The following BIRC6 variants were observed in gnomAD, a reference collection of about 807,000 sequenced individuals.
BIRC6 encodes the protein dual E2 ubiquitin-conjugating enzyme/E3 ubiquitin-protein ligase BIRC6.
A neutral mutation model predicts 503.3 loss-of-function variants in BIRC6; 98 were observed. That is an observed-to-expected ratio of 0.19 (90% CI 0.17 to 0.23). The LOEUF (loss-of-function observed/expected upper bound fraction) is 0.23, where lower values mean the gene tolerates loss of function less well. Ranked by LOEUF, BIRC6 falls within the 10% of genes least tolerant of loss-of-function variation. The probability of loss-of-function intolerance (pLI) is 1.00; values close to 1 mark genes in which losing one functional copy is unlikely to be tolerated. For synonymous variants in BIRC6, 2,240 were observed against 2,078.7 expected, an observed-to-expected ratio of 1.08 and a Z score of -2.11; for missense variants, 5,360 against 5,806.0, an observed-to-expected ratio of 0.92 and a Z score of 2.50.
chr2:32,412,156 G>A (rs1474207999), intron 9 of BIRC6, among the ~76,000 whole-genome samples: 1 of 152,116 alleles, frequency 6.6e-6, no homozygotes, highest in South Asian at 2.1e-4. Flanking sequence ...TAGAAACTGA[G>A]TTCTGAGACT....
rs556590203 is a variant in BIRC6, at chr2:32,562,522, C to T, written c.13145-12634C>T. Among the ~76,000 whole-genome samples, 5 of 152,276 alleles carry T rather than the reference C, an allele frequency of 3.3e-5. No individual in the cohort carries two copies. The East Asian group carries it at 9.7e-4, about 29-fold the overall frequency. ...ACAGTTGTGTGGGTTTTGACAAATG[C>T]GCAATTTTATGTATTCCACCATGAC... On this transcript the variant is annotated intron_variant, in intron 65 of 73. Coordinates refer to ENST00000421745, the MANE Select transcript of BIRC6 (RefSeq NM_016252.4).
chr2:32,424,239 G>A (rs1189433093), intron 10 of BIRC6, among the ~76,000 whole-genome samples: 1 of 151,468 alleles, frequency 6.6e-6, no homozygotes, highest in African/African-American at 2.4e-5. Context: ...ATGTGTGTGT[G>A]TATATATATG....
intron 33 of BIRC6, 98 bp from the exon 34 acceptor site, chr2:32,476,115 G>T: frequency 1.2e-6 from 1 of 842,000 alleles, no homozygotes; most frequent in Non-Finnish European, 1.8e-6. Flanking sequence ...AAGATAATGT[G>T]CATTCCATTA....
At chr2:32,387,205 C>G (rs1190669764) in intron 3 of BIRC6, among the ~76,000 whole-genome samples, 1 of 151,760 alleles carries the variant, frequency 6.6e-6, no homozygotes, top group Non-Finnish European at 1.5e-5. Flanking sequence ...GTTGGGGTAT[C>G]ATAGGATCCT....
chr2:32,474,306 A>G (rs1338641244), intron 33 of BIRC6, among the ~76,000 whole-genome samples: 2 of 152,122 alleles, frequency 1.3e-5, no homozygotes, highest in African/African-American at 2.4e-5. Flanking sequence ...ATTTTCCTCA[A>G]TTACCTTTTC....
intron 66 of BIRC6, among the ~76,000 whole-genome samples, chr2:32,582,592 G>A (rs942584301): frequency 5.3e-5 from 8 of 152,038 alleles, no homozygotes; most frequent in Non-Finnish European, 1.2e-4. Flanking sequence ...GGCGAAACCC[G>A]TCTCTGTTAA....
At chr2:32,380,058 C>A in intron 2 of BIRC6, 95 bp from the exon 3 acceptor site, 1 of 835,326 alleles carries the variant, frequency 1.2e-6, no homozygotes, top group Non-Finnish European at 1.8e-6. Context: ...ATAATCATTG[C>A]ATATTAAAAT....
rs1211506828 is a variant in BIRC6 at position 32,499,886 on chromosome 2, C to A, written c.8808C>A (p.Gly2936=). ...VNILVQLPLS[G]NREYSARVSV... ...TTTTAGTGCAGCTGCCTCTTTCAGGCAATAGGGAATACAGTGCAAGAGTGT... is the reference window on the plus strand; with the variant it reads ...TTTTAGTGCAGCTGCCTCTTTCAGGAAATAGGGAATACAGTGCAAGAGTGT... Residue 2936 remains glycine (G), a synonymous_variant, in exon 46 of 74, where the codon GGC becomes GGA. Transcript: ENST00000421745. 6.2e-6 allele frequency: 10 copies of A among 1,613,794 alleles called. No individual in the cohort carries two copies. Among genetic ancestry groups the A allele is most frequent in the Admixed American group, 1.7e-5 (1 of 59,996 alleles).
chr2:32,582,861 A>T (rs1046444717), intron 66 of BIRC6, among the ~76,000 whole-genome samples: 4 of 152,198 alleles, frequency 2.6e-5, no homozygotes, highest in African/African-American at 9.6e-5. Flanking sequence ...TTCTCTTATT[A>T]TAGAGTTTTC....
intron 41 of BIRC6, among the ~76,000 whole-genome samples, chr2:32,488,112 A>G (rs961287105): frequency 6.6e-6 from 1 of 152,096 alleles, no homozygotes; most frequent in African/African-American, 2.4e-5. Context: ...AGGCTGAGGC[A>G]GGAAGATTGC....
intron 11 of BIRC6, 82 bp downstream of exon 11, chr2:32,429,377 A>G: frequency 9.4e-7 from 1 of 1,068,294 alleles, no homozygotes; most frequent in South Asian, 2.0e-5. Context: ...AGATGTAAAC[A>G]TATTAAAGTA....
chr2:32,523,392 A>G (rs2055939575), intron 57 of BIRC6: 2 of 152,182 alleles, frequency 1.3e-5, no homozygotes, highest in African/African-American at 4.8e-5. Flanking sequence ...ATTATTACCT[A>G]ATATTCTTTG....
chr2:32,376,564 AC>A (rs2036816247), intron 1 of BIRC6, among the ~76,000 whole-genome samples: 1 of 152,168 alleles, frequency 6.6e-6, no homozygotes, highest in South Asian at 2.1e-4. Context: ...TCAGTGACAT[AC>A]TGTTTTCTTA....
intron 66 of BIRC6, 49 bp from the exon 67 acceptor site, chr2:32,593,862 AGTCC>A: frequency 6.8e-7 from 1 of 1,473,854 alleles, no homozygotes; most frequent in South Asian, 1.2e-5. Flanking sequence ...GAGGTGTTTT[AGTCC>A]TAAAATCTTA....
chr2:32,429,324 A>G, intron 11 of BIRC6, 29 bp downstream of exon 11: 1 of 1,422,818 alleles, frequency 7.0e-7, no homozygotes, highest in Middle Eastern at 2.1e-4. Context: ...AAATGATTTT[A>G]AAAAAAGAAT....
At chr2:32,575,114 G>A in intron 65 of BIRC6, 42 bp from the exon 66 acceptor site, 1 of 1,593,534 alleles carries the variant, frequency 6.3e-7, no homozygotes, top group Non-Finnish European at 8.6e-7. Context: ...CTTTTATATT[G>A]TACATTTGCT....
chr2:32,485,810 C>T lies in BIRC6; in HGVS notation c.7813+51C>T. ...TATTGCAGTGAATGATTCAGCTCTTCATCATTTTCAGGTGGATTCATCAAG... is the reference window on the plus strand; with the variant it reads ...TATTGCAGTGAATGATTCAGCTCTTTATCATTTTCAGGTGGATTCATCAAG... On this transcript the variant is annotated intron_variant, in intron 40 of 73. Transcript: ENST00000421745. The T allele has an allele frequency of 2.5e-6, 3 of 1,214,804 alleles. No homozygotes were observed. In the South Asian group the frequency reaches 3.9e-5, roughly 16 times the overall value. 75.3% of individuals were successfully genotyped at this position (1,214,804 alleles called of 1,614,324 possible). A position where few individuals can be genotyped will look rare whatever the true frequency, so the allele number is the denominator to read the frequency against.
intron 15 of BIRC6, among the ~76,000 whole-genome samples, chr2:32,437,460 A>G (rs1273392639): frequency 1.3e-5 from 2 of 152,214 alleles, no homozygotes; most frequent in Admixed American, 6.5e-5. Context: ...CTGACCAACT[A>G]TATATCAGCT....
At chr2:32,612,142 A>G (rs970892713) in intron 73 of BIRC6, among the ~76,000 whole-genome samples, 1 of 152,210 alleles carries the variant, frequency 6.6e-6, no homozygotes, top group Non-Finnish European at 1.5e-5. Flanking sequence ...CACTGGAATT[A>G]TAGGCATGAG....
Sources: gnomAD v4.1 joint callset for allele counts (sites outside exome capture counted in the v4.1 genomes callset) on GRCh38, gnomAD v4.1.1 for gene constraint, MANE v1.5 for transcripts, NCBI Gene and HGNC (gene_info 2026-07-23, HGNC 2026-07-21) for gene names.